ZNF254: variants seen among roughly 807,000 people sequenced by gnomAD.
ZNF254 encodes the protein CTD-2017D11.1.
Under a neutral mutation model 12.4 loss-of-function variants are expected in ZNF254, and 10 were observed. The observed-to-expected ratio is 0.80, with a 90% CI of 0.50 to 1.36. The LOEUF is 1.36. ZNF254 is among the 40% of genes most tolerant of loss of function. The pLI is 0.00. For synonymous variants in ZNF254, 305 were observed against 253.4 expected (o/e 1.20, Z -1.93); for missense variants, 996 against 763.9 (o/e 1.30, Z -3.58).
At chr19:24,101,854 T>C (rs183585312) in intron 1 of ZNF254, among the ~76,000 whole-genome samples, 15 of 152,282 alleles carry the variant, frequency 9.9e-5, no homozygotes, top group Non-Finnish European at 1.9e-4. Context: ...GCTTCTGTCT[T>C]AGTGTAAATG....
chr19:24,119,343 G>A (rs930589877), intron 3 of ZNF254, among the ~76,000 whole-genome samples: 8 of 151,570 alleles, frequency 5.3e-5, no homozygotes, highest in African/African-American at 9.7e-5. Flanking sequence ...AGGTGTGTGC[G>A]ACCATGCCTG....
chr19:24,091,085 A>T (rs941857183), intron 1 of ZNF254, among the ~76,000 whole-genome samples: 13 of 150,970 alleles, frequency 8.6e-5, no homozygotes, highest in Admixed American at 6.0e-4. Context: ...CGTAGCTGGG[A>T]TTTCAGGCAC....
chr19:24,100,682 CTTT>C (rs201165548), intron 1 of ZNF254, among the ~76,000 whole-genome samples: 10 of 133,446 alleles, frequency 7.5e-5, no homozygotes, highest in South Asian at 2.3e-4. Context: ...GTCTCTCTCT[CTTT>C]TTTTTTTTTT....
intron 2 of ZNF254, chr19:24,066,889 G>A (rs990260886): frequency 4.6e-5 from 7 of 151,872 alleles, no homozygotes; most frequent in African/African-American, 1.7e-4. Flanking sequence ...AACAGAGTGA[G>A]ACTCCATCTC....
At chr19:24,064,589 C>G (rs1010115704) in intron 2 of ZNF254, 3 of 152,178 alleles carry the variant, frequency 2.0e-5, no homozygotes, top group African/African-American at 7.2e-5. Flanking sequence ...TGCAATGGTG[C>G]AATCTCAGCT....
intron 3 of ZNF254, chr19:24,106,896 CAA>C (rs1973376294): frequency 2.4e-6 from 1 of 418,128 alleles, no homozygotes; most frequent in Non-Finnish European, 4.2e-6. Flanking sequence ...TCATGGCATA[CAA>C]AAGAGTGTAC....
At chr19:24,116,331 A>G (rs1187149553) in intron 3 of ZNF254, among the ~76,000 whole-genome samples, 1 of 152,112 alleles carries the variant, frequency 6.6e-6, no homozygotes, top group African/African-American at 2.4e-5. Flanking sequence ...TTTCAGGTAC[A>G]CCAATCAGAT....
chr19:24,102,781 C>T (rs1452879146), intron 1 of ZNF254, among the ~76,000 whole-genome samples: 1 of 152,188 alleles, frequency 6.6e-6, no homozygotes, highest in Non-Finnish European at 1.5e-5. Context: ...AGTTGATTCA[C>T]AAGTCACAAA....
chr19:24,077,851 G>T (rs1185875809), intron 2 of ZNF254, among the ~76,000 whole-genome samples: 1 of 152,098 alleles, frequency 6.6e-6, no homozygotes, highest in African/African-American at 2.4e-5. Flanking sequence ...TCACCTCCTG[G>T]CATTATTCTT....
chr19:24,119,577 C>A (rs181640623), intron 3 of ZNF254, among the ~76,000 whole-genome samples: 9 of 152,116 alleles, frequency 5.9e-5, no homozygotes, highest in Admixed American at 2.6e-4. Flanking sequence ...GCAGCCTCAA[C>A]CTCCCAAACT....
intron 2 of ZNF254, chr19:24,046,373 T>TTATATATATATATATATATATATATATA (rs34508258): frequency 3.1e-5 from 3 of 95,488 alleles, no homozygotes; most frequent in African/African-American, 8.5e-5. Context: ...TTATTATTTT[T>TTATATATATATATATATATATATATATA]TATATATATA....
In ZNF254 at chr19:24,043,511, C is replaced by T. The variant is rs570741753; in HGVS notation, c.-189-2673C>T. 2.0e-5 allele frequency among the ~76,000 whole-genome samples: 3 copies of T among 152,272 alleles called. No individual in the cohort carries two copies. In the South Asian group the frequency reaches 6.2e-4, roughly 32 times the overall value. The stretch of plus-strand genomic sequence containing the variant: ...TCCTGACCTCAGGTGATCCACCTAC[C>T]TCAGCCTCCTAAAGTGCTGGGATTA... On this transcript the variant is annotated intron_variant, in intron 1 of 4. Transcript: ENST00000613065.
chr19:24,127,735 T>C lies in ZNF254; in HGVS notation c.1735T>C (p.Cys579Arg). Reference protein sequence around the residue: ...TGEKPYKCEECGKSFNRSSTF... With the variant: ...TGEKPYKCEERGKSFNRSSTF... ...AGAGAAACCCTATAAATGTGAAGAA[T>C]GTGGCAAATCTTTTAACCGGTCTTC... The change falls in exon 4 of 4, where the codon TGT becomes CGT. Residue 579 changes from cysteine to arginine, a missense_variant. By Grantham distance (180) the Cys-to-Arg change is radical. Transcript: ENST00000357002. 6.2e-7 allele frequency: 1 copy of C among 1,613,040 alleles called. No individual in the cohort carries two copies. The highest frequency in any genetic ancestry group is 8.5e-7 in the Non-Finnish European group (1 of 1,179,626).
chr19:24,074,827 GC>G (rs1328690900), intron 2 of ZNF254, among the ~76,000 whole-genome samples: 2 of 152,130 alleles, frequency 1.3e-5, no homozygotes, highest in Non-Finnish European at 2.9e-5. Flanking sequence ...TTCTCTGTGA[GC>G]CCTACCCACA....
chr19:24,042,350 AAG>A (rs1161876959), intron 1 of ZNF254, among the ~76,000 whole-genome samples: 1 of 152,182 alleles, frequency 6.6e-6, no homozygotes, highest in Non-Finnish European at 1.5e-5. Flanking sequence ...GGGGCCAGAT[AAG>A]AGAATAAAAG....
intron 2 of ZNF254, among the ~76,000 whole-genome samples, chr19:24,069,590 G>C (rs1021202320): frequency 7.9e-6 from 1 of 127,082 alleles, no homozygotes; most frequent in African/African-American, 3.0e-5. Flanking sequence ...TGGTGACAGA[G>C]TGAGACTCCA....
chr19:24,126,626 C>A lies in ZNF254; in HGVS notation c.626C>A (p.Ser209Tyr). ...AAAAGCATTTATCATAGAGAGAAGT[C>A]CTACAAATGTAAAGAATGTGGAAAA... ...QHKSIYHREK[S>Y]YKCKECGKTF... Residue 209 changes from serine to tyrosine, a missense_variant, in exon 4 of 4, where the codon TCC (serine) becomes TAC (tyrosine). By Grantham distance (144) the Ser-to-Tyr change is moderately radical. Coordinates refer to ENST00000357002, the MANE Select transcript of ZNF254 (RefSeq NM_203282.4). The A allele has an allele frequency of 6.2e-7, 1 of 1,609,706 alleles. No homozygotes were observed. The highest frequency in any genetic ancestry group is 8.5e-7 in the Non-Finnish European group (1 of 1,178,834).
chr19:24,097,034 CT>C (rs1177960723), intron 1 of ZNF254, among the ~76,000 whole-genome samples: 1 of 152,158 alleles, frequency 6.6e-6, no homozygotes, highest in Non-Finnish European at 1.5e-5. Flanking sequence ...ACTAAAATCT[CT>C]TTTCTTAAAA....
chr19:24,119,256 A>G (rs551549789), intron 3 of ZNF254, among the ~76,000 whole-genome samples: 13 of 152,114 alleles, frequency 8.5e-5, no homozygotes, highest in Admixed American at 4.6e-4. Flanking sequence ...CAGTGACACA[A>G]TCTCGGCTCA....
Sources: gnomAD v4.1 joint callset for allele counts (sites outside exome capture counted in the v4.1 genomes callset) on GRCh38, gnomAD v4.1.1 for gene constraint, MANE v1.5 for transcripts, NCBI Gene and HGNC (gene_info 2026-07-23, HGNC 2026-07-21) for gene names.